The following VCPIP1 variants were observed in gnomAD, a reference collection of about 807,000 sequenced individuals.
VCPIP1 encodes the protein deubiquitinating protein VCPIP1.
VCPIP1 carries 8 observed loss-of-function variants against 85.0 expected under a neutral mutation model. That is an observed-to-expected ratio of 0.09 (90% confidence interval 0.06 to 0.17). The LOEUF is 0.17. VCPIP1 is among the 10% of genes least tolerant of loss of function. The pLI is 1.00. For synonymous variants in VCPIP1, 543 were observed against 544.5 expected (o/e 1.00, Z 0.04); for missense variants, 1,070 against 1,486.3 (o/e 0.72, Z 4.61).
chr8:66,640,321 C>T (rs1810934321), intron 2 of VCPIP1, among the ~76,000 whole-genome samples: 1 of 152,182 alleles, frequency 6.6e-6, no homozygotes, highest in Non-Finnish European at 1.5e-5. Context: ...GCTATACATC[C>T]ACCATCTCCT....
chr8:66,648,526 A>AATCTATCT lies in VCPIP1; in HGVS notation c.2797+2924_2797+2931dup, dbSNP rs60409796. ...TATCCAATGTATCATCTATGTATCT[A>AATCTATCT]ATCTATCTATCTATCTATCTATCTA... is the stretch of plus-strand genomic sequence containing the variant. On this transcript the variant is annotated intron_variant, in intron 2 of 2. Transcript: ENST00000310421. Among the ~76,000 whole-genome samples the AATCTATCT allele has an allele frequency of 7.9e-3, 1,137 of 144,654 alleles. 10 individuals carry two copies. Among genetic ancestry groups the AATCTATCT allele is most frequent in the African/African-American group, 0.014 (542 of 39,138 alleles). The allele number at this position is 144,654 out of a possible 152,430, so 94.9% of individuals were successfully genotyped here. A position where few individuals can be genotyped will look rare whatever the true frequency, so the allele number is the denominator to read the frequency against.
At chr8:66,636,381 C>A (rs1315542676) in intron 2 of VCPIP1, among the ~76,000 whole-genome samples, 2 of 150,554 alleles carry the variant, frequency 1.3e-5, no homozygotes, top group African/African-American at 4.9e-5. Context: ...GGAAAAAAAT[C>A]TAAATTTTCA....
At chr8:66,642,013 A>G (rs561915132) in intron 2 of VCPIP1, among the ~76,000 whole-genome samples, 1 of 152,226 alleles carries the variant, frequency 6.6e-6, no homozygotes, top group Non-Finnish European at 1.5e-5. Flanking sequence ...AGGAACTGCC[A>G]AAGTTCCCAA....
intron 2 of VCPIP1, among the ~76,000 whole-genome samples, chr8:66,640,600 C>T (rs1471554712): frequency 6.6e-6 from 1 of 152,164 alleles, no homozygotes; most frequent in Non-Finnish European, 1.5e-5. Context: ...CATCCTGTAC[C>T]CATAAAAACC....
At chr8:66,647,689 T>A (rs956078818) in intron 2 of VCPIP1, among the ~76,000 whole-genome samples, 1 of 152,080 alleles carries the variant, frequency 6.6e-6, no homozygotes, top group African/African-American at 2.4e-5. Context: ...GTCAACTGAT[T>A]TTTGACAAAT....
intron 1 of VCPIP1, among the ~76,000 whole-genome samples, chr8:66,654,911 A>T (rs2130172299): frequency 6.6e-6 from 1 of 152,348 alleles, no homozygotes; most frequent in African/African-American, 2.4e-5. Flanking sequence ...GCACTCTAAG[A>T]GTTGGACCTT....
Position 66,634,893 on chromosome 8 carries a change from C to G in VCPIP1, c.3277G>C (p.Asp1093His). Residue 1093 changes from aspartate (D) to histidine (H), a missense_variant, in exon 3 of 3, where the codon GAC becomes CAC. Asp to His is a moderately conservative substitution (Grantham distance 81, BLOSUM62 -1). Coordinates refer to ENST00000310421, the MANE Select transcript of VCPIP1 (RefSeq NM_025054.5). ...AAATCAGGATCAAGCTGCCTGCCGT[C>G]TCTCATTGTTACTACTCCAGGAGCT... Reference protein sequence around the residue: ...RIAPGVVTMRDGRQLDPDLVE... With the variant: ...RIAPGVVTMRHGRQLDPDLVE... The G allele has an allele frequency of 2.5e-6, 4 of 1,613,986 alleles. No individual in the cohort carries two copies. The highest frequency in any genetic ancestry group is 3.4e-6 in the Non-Finnish European group (4 of 1,179,954).
chr8:66,644,962 G>T (rs1810980559), intron 2 of VCPIP1, among the ~76,000 whole-genome samples: 1 of 151,056 alleles, frequency 6.6e-6, no homozygotes. Flanking sequence ...AGCTGGGTGT[G>T]GTGGCCCACA....
Position 66,634,374 on chromosome 8 carries a change from A to G in VCPIP1, c.*127T>C. ...TCACACACTTGCTATCATGCACTGA[A>G]TAACAAGATATAATCTTTGAATTAT... On this transcript the variant is annotated 3_prime_UTR_variant, in exon 3 of 3. Transcript: ENST00000310421. 1 of 1,153,146 alleles carries G rather than the reference A, an allele frequency of 8.7e-7. No individual in the cohort carries two copies. The highest frequency in any genetic ancestry group is 2.4e-5 in the East Asian group (1 of 41,040). 71.4% of individuals were successfully genotyped at this position (1,153,146 alleles called of 1,614,324 possible).
intron 2 of VCPIP1, among the ~76,000 whole-genome samples, chr8:66,639,430 C>T (rs1289361685): frequency 7.1e-6 from 1 of 140,098 alleles, no homozygotes; most frequent in Admixed American, 7.7e-5. Flanking sequence ...TCTCGGCTCA[C>T]TGCAGCCTCC....
chr8:66,649,490 T>C (rs1439958931), intron 2 of VCPIP1, among the ~76,000 whole-genome samples: 4 of 152,042 alleles, frequency 2.6e-5, no homozygotes, highest in South Asian at 2.1e-4. Context: ...GCCCAGGAGA[T>C]AGAGTGAGAC....
In VCPIP1 at chr8:66,631,273, T is replaced by C. The variant is rs1810832168; in HGVS notation, c.*3228A>G. 6.6e-6 allele frequency: 1 copy of C among 152,366 alleles called. No homozygotes were observed. Among genetic ancestry groups the C allele is most frequent in the Admixed American group, 6.5e-5 (1 of 15,282 alleles). The allele number at this position is 152,366 out of a possible 1,614,324, so 9.4% of individuals were successfully genotyped here. On this transcript the variant is annotated 3_prime_UTR_variant, in exon 3 of 3. Coordinates refer to ENST00000310421, the MANE Select transcript of VCPIP1 (RefSeq NM_025054.5). The stretch of plus-strand genomic sequence containing the variant: ...ATAAACACTTTATGCTGCCACTATA[T>C]TGACCAGTTGAAGTGTAATTAATGA...
At position 66,667,039 on chromosome 8, in the gene VCPIP1, G is replaced by T. The variant is rs1004729537; in HGVS notation, c.-81C>A. ...GCCCAGACCCCCACCAACCCGACTC[G>T]GTCCAGTCCAGGCCCAGGGCGAAGC... is the stretch of plus-strand genomic sequence containing the variant. On this transcript the variant is annotated 5_prime_UTR_variant, in exon 1 of 3. Transcript: ENST00000310421. The T allele has an allele frequency of 6.3e-6, 9 of 1,438,560 alleles. No individual in the cohort carries two copies. The African/African-American group carries it at 1.1e-4, about 18-fold the overall frequency. 89.1% of individuals were successfully genotyped at this position (1,438,560 alleles called of 1,614,324 possible).
intron 1 of VCPIP1, among the ~76,000 whole-genome samples, chr8:66,661,560 C>A (rs532205592): frequency 6.6e-6 from 1 of 151,742 alleles, no homozygotes; most frequent in African/African-American, 2.4e-5. Flanking sequence ...ACGGTGAAAC[C>A]CTGTCTCTAC....
rs1586619377 is a variant in VCPIP1 at position 66,631,836 on chromosome 8, T to C, written c.*2665A>G. ...GAGTTAATTATATTCTATCTTAATA[T>C]ATGGCAGCATCTTGTTTTCTTCAAT... On this transcript the variant is annotated 3_prime_UTR_variant, in exon 3 of 3. Coordinates refer to ENST00000310421, the MANE Select transcript of VCPIP1 (RefSeq NM_025054.5). 6.6e-6 allele frequency: 1 copy of C among 152,562 alleles called. No homozygotes were observed. The highest frequency in any genetic ancestry group is 1.5e-5 in the Non-Finnish European group (1 of 67,962). 9.5% of individuals were successfully genotyped at this position (152,562 alleles called of 1,614,324 possible). A position where few individuals can be genotyped will look rare whatever the true frequency, so the allele number is the denominator to read the frequency against.
intron 2 of VCPIP1, among the ~76,000 whole-genome samples, chr8:66,645,048 G>A (rs1042922226): frequency 6.6e-6 from 1 of 151,618 alleles, no homozygotes; most frequent in African/African-American, 2.4e-5. Context: ...CACAGGTGGT[G>A]GGGGTTGCAG....
At chr8:66,646,941 C>G (rs868207499) in intron 2 of VCPIP1, among the ~76,000 whole-genome samples, 1 of 152,188 alleles carries the variant, frequency 6.6e-6, no homozygotes, top group Non-Finnish European at 1.5e-5. Context: ...AGGAGAATCA[C>G]TTGAACCCAG....
At chr8:66,648,462 C>T (rs1811017321) in intron 2 of VCPIP1, among the ~76,000 whole-genome samples, 1 of 152,066 alleles carries the variant, frequency 6.6e-6, no homozygotes. Context: ...TATCATCCAT[C>T]CGTCCATCTA....
intron 1 of VCPIP1, among the ~76,000 whole-genome samples, chr8:66,655,697 A>T (rs1490067594): frequency 6.6e-6 from 1 of 152,226 alleles, no homozygotes; most frequent in Admixed American, 6.5e-5. Flanking sequence ...TAATAGCAAA[A>T]AAAAAGGGAA....
Sources: allele counts gnomAD v4.1 joint callset (sites outside exome capture counted in the v4.1 genomes callset), GRCh38; gene constraint gnomAD v4.1.1; transcripts MANE v1.5; gene names NCBI Gene and HGNC (gene_info 2026-07-23, HGNC 2026-07-21).